HMGCLL1: variants seen among roughly 807,000 people sequenced by gnomAD.
HMGCLL1 encodes the protein 3-hydroxymethyl-3-methylglutaryl-CoA lyase, cytoplasmic.
In HMGCLL1, 36 loss-of-function variants were observed where a neutral mutation model predicts 39.1. That is an observed-to-expected ratio of 0.92 (90% CI 0.71 to 1.22). HMGCLL1 has a LOEUF of 1.22. Among genes scored for constraint, HMGCLL1 ranks in the 50% most tolerant of loss-of-function variants. The pLI is 0.00. For missense variants in HMGCLL1, 451 were observed against 416.5 expected, an observed-to-expected ratio of 1.08 and a Z score of -0.72; for synonymous variants, 149 against 144.0, an observed-to-expected ratio of 1.03 and a Z score of -0.25.
intron 3 of HMGCLL1, among the ~76,000 whole-genome samples, chr6:55,521,955 G>T (rs1768063582): frequency 6.6e-6 from 1 of 151,924 alleles, no homozygotes; most frequent in Non-Finnish European, 1.5e-5. Context: ...AAAGTCAGAA[G>T]GGAATTAAAA....
chr6:55,663,695 G>A, the HMGCLL1 span, among the ~76,000 whole-genome samples: 1 of 151,674 alleles, frequency 6.6e-6, no homozygotes, highest in Non-Finnish European at 1.5e-5. Flanking sequence ...AGATCCATTT[G>A]GTTCAATGTT....
the HMGCLL1 span, among the ~76,000 whole-genome samples, chr6:55,599,673 G>C: frequency 1.3e-5 from 2 of 152,158 alleles, no homozygotes. Context: ...CCTTTTTACA[G>C]CATAACCATG....
chr6:55,494,760 A>G lies in HMGCLL1; in HGVS notation c.795+659T>C, dbSNP rs532060926. On this transcript the variant is annotated intron_variant, in intron 7 of 8. Transcript: ENST00000274901. ...AATCATTTTTAGCTGCATTTAAGAA[A>G]CTGACATTAATTTTAAAATAATACT... 9.2e-5 allele frequency among the ~76,000 whole-genome samples: 14 copies of G among 152,294 alleles called. No homozygotes were observed. The East Asian group carries it at 2.7e-3, about 29-fold the overall frequency.
At chr6:55,444,680 TTC>T (rs1324331563) in intron 7 of HMGCLL1, among the ~76,000 whole-genome samples, 10 of 152,014 alleles carry the variant, frequency 6.6e-5, no homozygotes, top group African/African-American at 2.4e-4. Flanking sequence ...TTTACTTTAA[TTC>T]TGTTTTCCAA....
intron 1 of HMGCLL1, among the ~76,000 whole-genome samples, chr6:55,573,437 A>G (rs983037385): frequency 1.3e-5 from 2 of 152,194 alleles, no homozygotes; most frequent in Admixed American, 6.5e-5. Context: ...AATAATTCTA[A>G]TAAGTATTCA....
At chr6:55,638,706 T>C in the HMGCLL1 span, among the ~76,000 whole-genome samples, 28 of 152,330 alleles carry the variant, frequency 1.8e-4, no homozygotes, top group Admixed American at 1.5e-3. Flanking sequence ...CACAGGATTC[T>C]TAGTCAAATG....
At chr6:55,579,552 G>T (rs1771933956), upstream of HMGCLL1, among the ~76,000 whole-genome samples, 1 of 151,692 alleles carries the variant, frequency 6.6e-6, no homozygotes, top group South Asian at 2.1e-4. Context: ...AGCTCACGGA[G>T]TTTATGCTTT....
At chr6:55,505,191 G>A (rs1238394758) in intron 5 of HMGCLL1, among the ~76,000 whole-genome samples, 4 of 151,472 alleles carry the variant, frequency 2.6e-5, no homozygotes, top group Admixed American at 1.3e-4. Context: ...TCTACAGTTA[G>A]GCCTTATCCC....
At chr6:55,641,952 C>T in the HMGCLL1 span, among the ~76,000 whole-genome samples, 2 of 138,814 alleles carry the variant, frequency 1.4e-5, no homozygotes, top group African/African-American at 2.7e-5. Context: ...TACATGTGCA[C>T]ATTGTGCAGG....
the HMGCLL1 span, among the ~76,000 whole-genome samples, chr6:55,627,767 T>G: frequency 1.4e-3 from 197 of 144,210 alleles, no homozygotes; most frequent in African/African-American, 4.8e-3. Flanking sequence ...CCTTGAACAT[T>G]GGACTCCAGG....
the HMGCLL1 span, among the ~76,000 whole-genome samples, chr6:55,656,720 T>C: frequency 1.3e-5 from 2 of 152,008 alleles, no homozygotes; most frequent in Non-Finnish European, 2.9e-5. Flanking sequence ...CGAAGGTTTC[T>C]TTTTTTCACC....
At chr6:55,513,049 C>A (rs151073687) in intron 5 of HMGCLL1, 1 of 152,208 alleles carries the variant, frequency 6.6e-6, no homozygotes, top group East Asian at 1.9e-4. Flanking sequence ...AGCACCAAGG[C>A]AGATTTTTCC....
chr6:55,635,690 AT>A, the HMGCLL1 span, among the ~76,000 whole-genome samples: 1 of 152,154 alleles, frequency 6.6e-6, no homozygotes, highest in Non-Finnish European at 1.5e-5. Flanking sequence ...CTTCAGCAGG[AT>A]TTCTCCTTTA....
chr6:55,481,647 G>C (rs1765749970), intron 7 of HMGCLL1, among the ~76,000 whole-genome samples: 2 of 144,650 alleles, frequency 1.4e-5, no homozygotes, highest in African/African-American at 5.2e-5. Flanking sequence ...ATTTCAAGGG[G>C]CTACTTGCAA....
At position 55,578,991 on chromosome 6, in the gene HMGCLL1, A is replaced by G. The variant is rs1258112678; in HGVS notation, c.65T>C (p.Leu22Pro). 1 of 1,613,760 alleles carries G rather than the reference A, an allele frequency of 6.2e-7. No homozygotes were observed. Among genetic ancestry groups the G allele is most frequent in the South Asian group, 1.1e-5 (1 of 90,950 alleles). ...CCCTGCCACTGAATCCCCGATCCAGAGATGCTCCCGGAGAAGCTGCTGGTA... is the reference window on the plus strand; with the variant it reads ...CCCTGCCACTGAATCCCCGATCCAGGGATGCTCCCGGAGAAGCTGCTGGTA... ...LSYQQLLREHLWIGDSVAGAL... is the reference protein window; with the variant it reads ...LSYQQLLREHPWIGDSVAGAL... Residue 22 changes from leucine to proline, a missense_variant, in exon 1 of 9, where the codon CTC becomes CCC. Transcript: ENST00000274901.
chr6:55,635,544 A>C, the HMGCLL1 span, among the ~76,000 whole-genome samples: 1 of 152,312 alleles, frequency 6.6e-6, no homozygotes, highest in South Asian at 2.1e-4. Flanking sequence ...CTTACAAATT[A>C]ATAAAGACTA....
intron 1 of HMGCLL1, among the ~76,000 whole-genome samples, chr6:55,560,355 A>G (rs1770886279): frequency 6.6e-6 from 1 of 152,138 alleles, no homozygotes; most frequent in African/African-American, 2.4e-5. Flanking sequence ...ACTAAACATC[A>G]TCACTGTCCT....
the HMGCLL1 span, among the ~76,000 whole-genome samples, chr6:55,642,458 T>G: frequency 6.6e-6 from 1 of 152,130 alleles, no homozygotes; most frequent in Non-Finnish European, 1.5e-5. Context: ...TATGGCTGCT[T>G]TTAAAAAAAA....
intron 7 of HMGCLL1, among the ~76,000 whole-genome samples, chr6:55,454,704 A>G (rs1180162287): frequency 2.6e-5 from 4 of 152,110 alleles, no homozygotes; most frequent in African/African-American, 9.7e-5. Flanking sequence ...AGACCAGGTA[A>G]CTCCCCACTA....
Sources: gnomAD v4.1 joint callset for allele counts (sites outside exome capture counted in the v4.1 genomes callset) on GRCh38, gnomAD v4.1.1 for gene constraint, MANE v1.5 for transcripts, NCBI Gene and HGNC (gene_info 2026-07-23, HGNC 2026-07-21) for gene names.